The following ITGAV variants were observed in gnomAD, a reference collection of about 807,000 sequenced individuals.
The protein encoded by ITGAV is integrin subunit alpha V.
ITGAV carries 76 observed loss-of-function variants against 143.8 expected under a neutral mutation model. The observed-to-expected ratio is 0.53, with a 90% CI of 0.44 to 0.64. The LOEUF (loss-of-function observed/expected upper bound fraction) is 0.64. ITGAV is among the 30% of genes least tolerant of loss of function. The pLI is 0.00. For synonymous variants in ITGAV, 453 were observed against 446.7 expected (o/e 1.01, Z -0.18); for missense variants, 1,193 against 1,274.7 (o/e 0.94, Z 0.98).
chr2:186,654,600 A>T (rs774532299), intron 15 of ITGAV, 50 bp from the exon 16 acceptor site: 2 of 910,274 alleles, frequency 2.2e-6, no homozygotes, highest in African/African-American at 3.3e-5. Flanking sequence ...TAATAAAAAT[A>T]TGTCTAAACT....
At chr2:186,636,961 G>A in intron 7 of ITGAV, 104 bp from the exon 8 acceptor site, 1 of 900,644 alleles carries the variant, frequency 1.1e-6, no homozygotes, top group Non-Finnish European at 1.8e-6. Context: ...TATTGCATAA[G>A]TAAAGGAGTT....
At position 186,676,871 on chromosome 2, in the gene ITGAV, T is replaced by C. The variant is rs199555943; in HGVS notation, c.2987T>C (p.Val996Ala). The C allele has an allele frequency of 3.1e-6, 5 of 1,614,060 alleles. No homozygotes were observed. Among genetic ancestry groups the C allele is most frequent in the Non-Finnish European group, 4.2e-6 (5 of 1,179,962 alleles). Reference protein sequence around the residue: ...QPAPMPVPVWVIILAVLAGLL... With the variant: ...QPAPMPVPVWAIILAVLAGLL... ...GCGCCCATGCCTGTGCCTGTGTGGG[T>C]GATCATTTTAGCAGTTCTAGCAGGA... The change falls in exon 29 of 30, where the codon GTG (valine) becomes GCG (alanine). Residue 996 changes from valine to alanine, a missense_variant. By Grantham distance (64) the Val-to-Ala change is moderately conservative. Coordinates refer to ENST00000261023, the MANE Select transcript of ITGAV (RefSeq NM_002210.5).
intron 18 of ITGAV, among the ~76,000 whole-genome samples, chr2:186,660,153 A>T (rs1204526817): frequency 1.3e-5 from 2 of 151,988 alleles, no homozygotes; most frequent in African/African-American, 4.8e-5. Context: ...TTCTGTTTAT[A>T]GTTTTATAAT....
chr2:186,665,100 T>A (rs753396710), intron 20 of ITGAV, 26 bp from the exon 21 acceptor site: 5 of 1,085,368 alleles, frequency 4.6e-6, no homozygotes, highest in Non-Finnish European at 6.4e-6. Context: ...ATATCCATTT[T>A]TTTTTTTTTT....
intron 24 of ITGAV, 70 bp from the exon 25 acceptor site, chr2:186,668,692 T>C: frequency 7.4e-7 from 1 of 1,342,444 alleles, no homozygotes; most frequent in Non-Finnish European, 1.0e-6. Flanking sequence ...TTTCTAAAGT[T>C]GATGTAGGGG....
At chr2:186,636,250 A>G in intron 7 of ITGAV, 43 bp downstream of exon 7, 2 of 1,496,456 alleles carry the variant, frequency 1.3e-6, no homozygotes, top group Non-Finnish European at 1.8e-6. Flanking sequence ...ACTGTGGTAC[A>G]TATATCTTAT....
At chr2:186,624,929 A>T (rs1322944847) in intron 3 of ITGAV, among the ~76,000 whole-genome samples, 1 of 136,886 alleles carries the variant, frequency 7.3e-6, no homozygotes, top group Non-Finnish European at 1.5e-5. Context: ...ACTACCTGAA[A>T]TAACAATTTT....
At chr2:186,619,633 A>G (rs1377130866) in intron 2 of ITGAV, among the ~76,000 whole-genome samples, 2 of 152,240 alleles carry the variant, frequency 1.3e-5, no homozygotes, top group African/African-American at 4.8e-5. Context: ...AGTATACATT[A>G]TATGTATTGA....
At chr2:186,621,608 A>T (rs1687523047) in intron 2 of ITGAV, among the ~76,000 whole-genome samples, 1 of 152,132 alleles carries the variant, frequency 6.6e-6, no homozygotes, top group South Asian at 2.1e-4. Flanking sequence ...GGTCTCTTTT[A>T]ATCTAGAAGT....
Position 186,656,393 on chromosome 2 carries a change from T to A in ITGAV, c.1711T>A (p.Tyr571Asn), listed in dbSNP as rs201927835. Residue 571 changes from tyrosine to asparagine, a missense_variant, in exon 17 of 30, where the codon TAT (tyrosine) becomes AAT (asparagine). By Grantham distance (143) the Tyr-to-Asn change is moderately radical (BLOSUM62 -2). Coordinates refer to ENST00000261023, the MANE Select transcript of ITGAV (RefSeq NM_002210.5). ...GLMQCEELIA[Y>N]LRDESEFRDK... ...GATGCAGTGTGAGGAATTGATAGCG[T>A]ATCTGCGGGTAAGAGCTAACTTTTC... The A allele has an allele frequency of 4.0e-6, 6 of 1,484,862 alleles. No homozygotes were observed. Among genetic ancestry groups the A allele is most frequent in the Non-Finnish European group, 5.3e-6 (6 of 1,122,832 alleles). 92.0% of individuals were successfully genotyped at this position (1,484,862 alleles called of 1,614,324 possible). A position where few individuals can be genotyped will look rare whatever the true frequency, so the allele number is the denominator to read the frequency against.
At chr2:186,660,194 C>CAGG in intron 18 of ITGAV, among the ~76,000 whole-genome samples, 1 of 151,904 alleles carries the variant, frequency 6.6e-6, no homozygotes, top group African/African-American at 2.4e-5. Context: ...TCATTGTTAT[C>CAGG]ACTACTTTTG....
At position 186,646,753 on chromosome 2, in the gene ITGAV, A is replaced by G; in HGVS notation, c.1227A>G (p.Arg409=). The G allele has an allele frequency of 6.2e-7, 1 of 1,612,142 alleles. No individual in the cohort carries two copies. Among genetic ancestry groups the G allele is most frequent in the Non-Finnish European group, 8.5e-7 (1 of 1,178,734 alleles). Reference sequence around the variant, plus strand: ...GAATTGTTTATATCTTCAATGGAAGATCAACAGGCTTGAACGCAGTCCCAT... The same window carrying G: ...GAATTGTTTATATCTTCAATGGAAGGTCAACAGGCTTGAACGCAGTCCCAT... ...KKGIVYIFNG[R]STGLNAVPSQ... The change falls in exon 13 of 30, where the codon AGA becomes AGG. Residue 409 remains arginine, a synonymous_variant. Transcript: ENST00000261023.
At position 186,664,590 on chromosome 2, in the gene ITGAV, C is replaced by T. The variant is rs766385198; in HGVS notation, c.2022C>T (p.Ile674=). The T allele has an allele frequency of 5.0e-6, 8 of 1,614,064 alleles. No homozygotes were observed. The highest frequency in any genetic ancestry group is 3.4e-6 in the Non-Finnish European group (4 of 1,179,972). The change falls in exon 20 of 30, where the codon ATC becomes ATT. Residue 674 remains isoleucine (I), a synonymous_variant. Coordinates refer to ENST00000261023, the MANE Select transcript of ITGAV (RefSeq NM_002210.5). ...QGEGAYEAEL[I]VSIPLQADFI... is the part of the protein sequence containing the mutation. ...AAGGTGCCTACGAAGCTGAGCTCAT[C>T]GTTTCCATTCCACTGCAGGCTGATT...
intron 1 of ITGAV, among the ~76,000 whole-genome samples, chr2:186,599,814 G>A (rs368283841): frequency 6.6e-6 from 1 of 152,160 alleles, no homozygotes; most frequent in Admixed American, 6.5e-5. Context: ...AATCTAGGTG[G>A]CATTCTTGAA....
chr2:186,634,411 A>G (rs1239236989), intron 6 of ITGAV, among the ~76,000 whole-genome samples: 1 of 152,114 alleles, frequency 6.6e-6, no homozygotes, highest in Non-Finnish European at 1.5e-5. Context: ...GAAAGTTTCA[A>G]ATTTTACTCT....
chr2:186,672,021 G>A (rs1049730616), intron 26 of ITGAV, among the ~76,000 whole-genome samples: 12 of 144,878 alleles, frequency 8.3e-5, no homozygotes, highest in East Asian at 6.2e-4. Context: ...GCGAAATCTC[G>A]GATCACTGCA....
In ITGAV at chr2:186,590,258, G is replaced by T; in HGVS notation, c.-81G>T. On this transcript the variant is annotated 5_prime_UTR_variant, in exon 1 of 30. Coordinates refer to ENST00000261023, the MANE Select transcript of ITGAV (RefSeq NM_002210.5). ...CAAGTTTGGGCGCGCGCAGGCGGCG[G>T]GCCGCGGGCACTGGGCGCCTCGCTG... 1 of 1,234,494 alleles carries T rather than the reference G, an allele frequency of 8.1e-7. No homozygotes were observed. The allele number at this position is 1,234,494 out of a possible 1,614,324, so 76.5% of individuals were successfully genotyped here. A position where few individuals can be genotyped will look rare whatever the true frequency, so the allele number is the denominator to read the frequency against.
chr2:186,596,580 G>A (rs1245267805), intron 1 of ITGAV, among the ~76,000 whole-genome samples: 1 of 151,660 alleles, frequency 6.6e-6, no homozygotes, highest in African/African-American at 2.4e-5. Context: ...TGTATTTTTA[G>A]TAGAGATGGG....
In ITGAV at chr2:186,628,092, C is replaced by T. The variant is rs61763636; in HGVS notation, c.523+2505C>T. Among the ~76,000 whole-genome samples, 501 of 152,246 alleles carry T rather than the reference C, an allele frequency of 3.3e-3. 4 individuals carry two copies. Among genetic ancestry groups the T allele is most frequent in the African/African-American group, 0.011 (475 of 41,554 alleles). Reference sequence around the variant, plus strand: ...TAGCTATGGGTAATTCACCTAACCACTCTGGGCCTTTGTTTCATCATTGGT... The same window carrying T: ...TAGCTATGGGTAATTCACCTAACCATTCTGGGCCTTTGTTTCATCATTGGT... On this transcript the variant is annotated intron_variant, in intron 4 of 29. Coordinates refer to ENST00000261023, the MANE Select transcript of ITGAV (RefSeq NM_002210.5).
Sources: gnomAD v4.1 joint callset for allele counts (sites outside exome capture counted in the v4.1 genomes callset) on GRCh38, gnomAD v4.1.1 for gene constraint, MANE v1.5 for transcripts, NCBI Gene and HGNC (gene_info 2026-07-23, HGNC 2026-07-21) for gene names.